The following NUP42 variants were observed in gnomAD, a reference collection of about 807,000 sequenced individuals.
The protein encoded by NUP42 is nucleoporin NUP42.
Under a neutral mutation model 35.9 loss-of-function variants are expected in NUP42, and 47 were observed. The ratio of observed to expected loss-of-function variants is 1.31; its 90% CI spans 1.04 to 1.67. The LOEUF (loss-of-function observed/expected upper bound fraction) is 1.67. NUP42 is among the 40% of genes most tolerant of loss of function. The pLI, the probability that NUP42 is intolerant of heterozygous loss-of-function variation, is 0.00. For missense variants in NUP42, 514 were observed against 492.2 expected (o/e 1.04, Z -0.42); for synonymous variants, 173 against 173.3 (o/e 1.00, Z 0.01).
Position 23,200,730 on chromosome 7 carries a change from A to G in NUP42, c.1257A>G (p.Glu419=), listed in dbSNP as rs1407922795. 6.3e-7 allele frequency: 1 copy of G among 1,584,118 alleles called. No individual in the cohort carries two copies. The highest frequency in any genetic ancestry group is 1.9e-5 in the Admixed American group (1 of 53,790). ...GKIPLKPPPL[E]LLNV is the part of the protein sequence containing the mutation. ...TTCCATTAAAGCCTCCACCTCTGGA[A>G]CTTCTAAATGTTTAAAAGGGCAATT... The change falls in exon 7 of 7, where the codon GAA becomes GAG. Residue 419 remains glutamate (E), a synonymous_variant. Coordinates refer to ENST00000258742, the MANE Select transcript of NUP42 (RefSeq NM_007342.3).
chr7:23,200,913 T>C lies in NUP42; in HGVS notation c.*168T>C. Reference sequence around the variant, plus strand: ...TAACTCTAAATATTTAAGTAAAAAGTAACAAAAACTCTGCAAGCAAGGGAA... The same window carrying C: ...TAACTCTAAATATTTAAGTAAAAAGCAACAAAAACTCTGCAAGCAAGGGAA... On this transcript the variant is annotated 3_prime_UTR_variant, in exon 7 of 7. Coordinates refer to ENST00000258742, the MANE Select transcript of NUP42 (RefSeq NM_007342.3). The C allele has an allele frequency of 2.5e-6, 1 of 402,502 alleles. No homozygotes were observed. The highest frequency in any genetic ancestry group is 4.2e-6 in the Non-Finnish European group (1 of 238,536). 24.9% of individuals were successfully genotyped at this position (402,502 alleles called of 1,614,324 possible).
At chr7:23,190,365 A>G (rs1261303696) in intron 3 of NUP42, among the ~76,000 whole-genome samples, 1 of 152,260 alleles carries the variant, frequency 6.6e-6, no homozygotes, top group African/African-American at 2.4e-5. Context: ...ATAAACATAA[A>G]GCAAGGCTAT....
chr7:23,199,477 G>A lies in NUP42; in HGVS notation c.629G>A (p.Gly210Glu). The change falls in exon 6 of 7, where the codon GGA (glycine) becomes GAA (glutamate). Residue 210 changes from glycine to glutamate, a missense_variant. Physicochemically the swap from Gly to Glu is moderately conservative, Grantham distance 98. Coordinates refer to ENST00000258742, the MANE Select transcript of NUP42 (RefSeq NM_007342.3). ...TTTCAGCTCTCTGATGTAAAGGATG[G>A]AGTAAATCAAGCAGCACCTGCATTT... ...KVALLSDVKD[G>E]VNQAAPAFGF... 6.2e-7 allele frequency: 1 copy of A among 1,613,992 alleles called. No individual in the cohort carries two copies. The highest frequency in any genetic ancestry group is 8.5e-7 in the Non-Finnish European group (1 of 1,179,968).
intron 3 of NUP42, chr7:23,194,549 CAG>C (rs1583773681): frequency 6.5e-6 from 1 of 152,836 alleles, no homozygotes. Flanking sequence ...TTAGTAGAAA[CAG>C]GGTTTCGCCG....
rs1159739308 is a variant in NUP42, at chr7:23,199,515, A to G, written c.667A>G (p.Ser223Gly). Residue 223 changes from serine to glycine, a missense_variant, in exon 6 of 7, where the codon AGT (serine) becomes GGT (glycine). Transcript: ENST00000258742. Reference protein sequence around the residue: ...QAAPAFGFGSSQAATFMSPGF... With the variant: ...QAAPAFGFGSGQAATFMSPGF... ...AGCACCTGCATTTGGATTTGGCAGC[A>G]GTCAAGCAGCAACATTTATGTCGCC... The G allele has an allele frequency of 1.2e-6, 2 of 1,614,004 alleles. No homozygotes were observed. The highest frequency in any genetic ancestry group is 1.7e-6 in the Non-Finnish European group (2 of 1,179,996).
At chr7:23,190,261 C>T (rs980591711) in intron 3 of NUP42, among the ~76,000 whole-genome samples, 10 of 152,210 alleles carry the variant, frequency 6.6e-5, no homozygotes, top group South Asian at 4.1e-4. Flanking sequence ...TTTCTTCATA[C>T]ACTTCAGTCA....
chr7:23,185,331 AT>A, intron 2 of NUP42, 33 bp downstream of exon 2: 1 of 1,437,612 alleles, frequency 7.0e-7, no homozygotes, highest in Non-Finnish European at 9.7e-7. Flanking sequence ...ATTACTATCC[AT>A]TTGCTTATGT....
chr7:23,195,456 T>C (rs541790737), intron 3 of NUP42: 2 of 159,230 alleles, frequency 1.3e-5, no homozygotes, highest in African/African-American at 4.8e-5. Context: ...GCATTAGTTC[T>C]TCTCTTGTCA....
chr7:23,197,043 A>G (rs577406259), intron 5 of NUP42: 4 of 462,168 alleles, frequency 8.7e-6, no homozygotes, highest in East Asian at 5.8e-5. Context: ...AAACTATTAC[A>G]TAAGTTTAAG....
chr7:23,183,754 T>TAAAA (rs571597955), intron 1 of NUP42, among the ~76,000 whole-genome samples: 72 of 82,062 alleles, frequency 8.8e-4, no homozygotes, highest in African/African-American at 2.9e-3. Context: ...AAAAGCAATG[T>TAAAA]AAAAAAAAAA....
chr7:23,188,035 C>T (rs895589192), intron 3 of NUP42: 1 of 1,379,786 alleles, frequency 7.2e-7, no homozygotes, highest in Admixed American at 2.6e-5. Context: ...GTCCATAGTC[C>T]CTAAGCCCTT....
At chr7:23,193,382 T>C (rs890298195) in intron 3 of NUP42, among the ~76,000 whole-genome samples, 5 of 152,258 alleles carry the variant, frequency 3.3e-5, no homozygotes, top group Non-Finnish European at 5.9e-5. Flanking sequence ...AGGGTGCTGA[T>C]TGGTGCGTTT....
At chr7:23,198,505 G>C (rs1007206669) in intron 5 of NUP42, 4 of 152,006 alleles carry the variant, frequency 2.6e-5, no homozygotes, top group African/African-American at 9.7e-5. Context: ...CACCACACCG[G>C]CCAAAGAATG....
intron 3 of NUP42, among the ~76,000 whole-genome samples, chr7:23,191,871 G>A (rs1785804536): frequency 6.6e-6 from 1 of 152,168 alleles, no homozygotes; most frequent in Non-Finnish European, 1.5e-5. Flanking sequence ...AGGAGGTTGA[G>A]ATGGGAGGAT....
intron 3 of NUP42, among the ~76,000 whole-genome samples, chr7:23,190,687 T>C (rs1009202090): frequency 1.3e-5 from 2 of 152,228 alleles, no homozygotes; most frequent in Non-Finnish European, 2.9e-5. Flanking sequence ...ATTTTGGCTT[T>C]TGTTGCCATT....
chr7:23,200,456 T>G lies in NUP42; in HGVS notation c.983T>G (p.Val328Gly). The change falls in exon 7 of 7, where the codon GTC becomes GGC. Residue 328 changes from valine to glycine, a missense_variant. Transcript: ENST00000258742. The stretch of plus-strand genomic sequence containing the variant: ...CCAGCTTCCTTGGCAACAGGTCCTG[T>G]CAGAGCTCCAGTGGCCCCAGCCTTT... ...GLPASLATGP[V>G]RAPVAPAFGG... 6.2e-7 allele frequency: 1 copy of G among 1,614,222 alleles called. No homozygotes were observed. Among genetic ancestry groups the G allele is most frequent in the Non-Finnish European group, 8.5e-7 (1 of 1,180,042 alleles).
At chr7:23,182,256 C>A in intron 1 of NUP42, 50 bp downstream of exon 1, 1 of 1,548,440 alleles carries the variant, frequency 6.5e-7, no homozygotes. Context: ...AAGGGTCCGC[C>A]GGCGGGGACC....
intron 3 of NUP42, among the ~76,000 whole-genome samples, chr7:23,192,480 G>A (rs563542348): frequency 3.3e-5 from 5 of 149,718 alleles, no homozygotes; most frequent in Non-Finnish European, 7.4e-5. Flanking sequence ...CCAGGAGGCC[G>A]AGGTTGCAGT....
chr7:23,185,290 G>A lies in NUP42; in HGVS notation c.342G>A (p.Lys114=), dbSNP rs145269225. 2 of 1,604,632 alleles carry A rather than the reference G, an allele frequency of 1.2e-6. No homozygotes were observed. Among genetic ancestry groups the A allele is most frequent in the South Asian group, 1.1e-5 (1 of 89,066 alleles). ...SLSPDEQKDE[K]KLLEGIVKDM... ...GTCCTGATGAGCAGAAAGATGAAAAGAAACTTCTGTAAGTGAAAGTTTTCA... is the reference window on the plus strand; with the variant it reads ...GTCCTGATGAGCAGAAAGATGAAAAAAAACTTCTGTAAGTGAAAGTTTTCA... The change falls in exon 2 of 7, where the codon AAG becomes AAA. Residue 114 remains lysine, a synonymous_variant. Transcript: ENST00000258742.
Sources: allele counts gnomAD v4.1 joint callset (sites outside exome capture counted in the v4.1 genomes callset), GRCh38; gene constraint gnomAD v4.1.1; transcripts MANE v1.5; gene names NCBI Gene and HGNC (gene_info 2026-07-23, HGNC 2026-07-21).